TBC1D5: variants seen among roughly 807,000 people sequenced by gnomAD.
The protein encoded by TBC1D5 is TBC1 domain family member 5, also known as TBC1 domain family, member 5.
In TBC1D5, 75 loss-of-function variants were observed where a neutral mutation model predicts 100.3. The ratio of observed to expected loss-of-function variants is 0.75; its 90% CI spans 0.62 to 0.91. The LOEUF (loss-of-function observed/expected upper bound fraction) is 0.91, where lower values mean the gene tolerates loss of function less well. Among genes scored for constraint, TBC1D5 ranks in the 40% least tolerant of loss-of-function variants. The pLI, the probability that TBC1D5 is intolerant of heterozygous loss-of-function variation, is 0.00. For missense variants in TBC1D5, 910 were observed against 942.4 expected (o/e 0.97, Z 0.45); for synonymous variants, 323 against 325.6 (o/e 0.99, Z 0.09).
chr3:17,342,712 T>G (rs1293511904), intron 13 of TBC1D5, among the ~76,000 whole-genome samples: 1 of 152,150 alleles, frequency 6.6e-6, no homozygotes, highest in Non-Finnish European at 1.5e-5. Flanking sequence ...AGAAATTATT[T>G]TGGATTATGC....
At chr3:17,552,461 C>T (rs1401429133) in intron 2 of TBC1D5, among the ~76,000 whole-genome samples, 1 of 152,044 alleles carries the variant, frequency 6.6e-6, no homozygotes, top group Admixed American at 6.6e-5. Flanking sequence ...GAAGAACATT[C>T]TGGAGGTTGA....
chr3:17,268,459 A>AAAAT (rs147775218), intron 15 of TBC1D5, among the ~76,000 whole-genome samples: 4,226 of 152,162 alleles, frequency 0.028, 178 homozygotes, highest in African/African-American at 0.093. Context: ...TAAAGAAAAT[A>AAAAT]AAAAAATAGT....
chr3:17,460,762 TA>T lies in TBC1D5; in HGVS notation c.98-32244del, dbSNP rs574970085. ...GCCAAGCTCACAGGGTTATGACGGT[TA>T]AAAAAAAAAAGATACTACATAGAAA... On this transcript the variant is annotated intron_variant, in intron 3 of 21. Transcript: ENST00000253692. Among the ~76,000 whole-genome samples the T allele has an allele frequency of 2.3e-3, 338 of 144,768 alleles. 1 individual carries two copies. The highest frequency in any genetic ancestry group is 5.7e-3 in the African/African-American group (227 of 39,832). The allele number at this position is 144,768 out of a possible 152,430, so 95.0% of individuals were successfully genotyped here. A position where few individuals can be genotyped will look rare whatever the true frequency, so the allele number is the denominator to read the frequency against.
chr3:17,697,360 C>G (rs2072297382), intron 1 of TBC1D5, among the ~76,000 whole-genome samples: 1 of 152,146 alleles, frequency 6.6e-6, no homozygotes, highest in Non-Finnish European at 1.5e-5. Flanking sequence ...AAAACCCCAT[C>G]GTCTCAGCCC....
At position 17,479,904 on chromosome 3, in the gene TBC1D5, GA is replaced by G. The variant is rs368945474; in HGVS notation, c.97+28569del. Among the ~76,000 whole-genome samples the G allele has an allele frequency of 9.9e-3, 1,505 of 152,252 alleles. 28 individuals are homozygous for G. The highest frequency in any genetic ancestry group is 0.034 in the African/African-American group (1,409 of 41,534). On this transcript the variant is annotated intron_variant, in intron 3 of 21. Transcript: ENST00000253692. The stretch of plus-strand genomic sequence containing the variant: ...TCTTCCTATCAAGTAGGCAGGGCTG[GA>G]GCCCCACGCTCTGGGGCACAGCTAT...
At chr3:17,693,820 C>T (rs556885466) in intron 1 of TBC1D5, among the ~76,000 whole-genome samples, 1 of 152,316 alleles carries the variant, frequency 6.6e-6, no homozygotes, top group Admixed American at 6.5e-5. Context: ...TGGGAGACAC[C>T]TACCAATAGG....
intron 1 of TBC1D5, among the ~76,000 whole-genome samples, chr3:17,634,372 C>A (rs1459445516): frequency 1.3e-5 from 2 of 152,036 alleles, no homozygotes; most frequent in Non-Finnish European, 2.9e-5. Flanking sequence ...TACATATAAA[C>A]AATGGAGTAC....
chr3:17,465,820 T>G (rs191550047), intron 3 of TBC1D5, among the ~76,000 whole-genome samples: 1 of 152,250 alleles, frequency 6.6e-6, no homozygotes, highest in African/African-American at 2.4e-5. Context: ...AAGCTCATCA[T>G]CAAATATATC....
At chr3:17,201,019 ATT>A (rs1397886611) in intron 18 of TBC1D5, among the ~76,000 whole-genome samples, 1 of 152,166 alleles carries the variant, frequency 6.6e-6, no homozygotes, top group African/African-American at 2.4e-5. Context: ...CAAAAGAATT[ATT>A]TGTTTTTTTC....
chr3:17,717,243 A>C (rs565383657), intron 1 of TBC1D5, among the ~76,000 whole-genome samples: 1 of 131,054 alleles, frequency 7.6e-6, no homozygotes, highest in East Asian at 3.2e-4. Flanking sequence ...AAAATAAAGC[A>C]GTAAAGGATT....
intron 2 of TBC1D5, among the ~76,000 whole-genome samples, chr3:17,542,517 T>C (rs1382962575): frequency 2.0e-5 from 3 of 152,120 alleles, no homozygotes; most frequent in Non-Finnish European, 4.4e-5. Context: ...AGCCAAAATA[T>C]CTTATCATAT....
chr3:17,359,139 A>G (rs1233575402), intron 13 of TBC1D5, among the ~76,000 whole-genome samples: 1 of 152,144 alleles, frequency 6.6e-6, no homozygotes, highest in Non-Finnish European at 1.5e-5. Context: ...ATAAGAAGCA[A>G]AAAGCAACAC....
chr3:17,709,633 T>C (rs2074516321), intron 1 of TBC1D5, among the ~76,000 whole-genome samples: 1 of 152,170 alleles, frequency 6.6e-6, no homozygotes, highest in Admixed American at 6.5e-5. Context: ...ATTCCACTGA[T>C]AATGATTCTA....
chr3:17,432,012 C>A (rs893201086), intron 3 of TBC1D5, among the ~76,000 whole-genome samples: 2 of 152,218 alleles, frequency 1.3e-5, no homozygotes, highest in Non-Finnish European at 2.9e-5. Context: ...AAGTTAAAAA[C>A]AGCCAGAATA....
intron 10 of TBC1D5, among the ~76,000 whole-genome samples, chr3:17,376,193 C>G (rs2092700697): frequency 6.6e-6 from 1 of 152,026 alleles, no homozygotes; most frequent in Non-Finnish European, 1.5e-5. Flanking sequence ...AAAAATGGAT[C>G]ATTGAGCATG....
At chr3:17,334,624 G>T (rs1344512787) in intron 13 of TBC1D5, among the ~76,000 whole-genome samples, 2 of 152,118 alleles carry the variant, frequency 1.3e-5, no homozygotes, top group Non-Finnish European at 2.9e-5. Flanking sequence ...TGCCTTCAAA[G>T]AAAGCCTAAC....
intron 13 of TBC1D5, among the ~76,000 whole-genome samples, chr3:17,312,595 G>C (rs1227224030): frequency 1.3e-5 from 2 of 152,140 alleles, no homozygotes; most frequent in Non-Finnish European, 2.9e-5. Context: ...ACCCCCAAAG[G>C]ATATGTACAT....
exon 22 of TBC1D5, chr3:17,158,019 T>G (rs773767736): frequency 1.3e-5 from 2 of 152,246 alleles, no homozygotes; most frequent in Non-Finnish European, 2.9e-5. Flanking sequence ...TGCAGTTACC[T>G]CTGAACATTA....
chr3:17,542,236 A>G (rs962680252), intron 2 of TBC1D5, among the ~76,000 whole-genome samples: 1 of 152,204 alleles, frequency 6.6e-6, no homozygotes, highest in Admixed American at 6.5e-5. Context: ...GGTTGCAGTG[A>G]GCTGAGATTG....
Sources: allele counts gnomAD v4.1 joint callset (sites outside exome capture counted in the v4.1 genomes callset), GRCh38; gene constraint gnomAD v4.1.1; transcripts MANE v1.5; gene names NCBI Gene and HGNC (gene_info 2026-07-23, HGNC 2026-07-21).